Variants in EVI5 observed in about 807,000 individuals in gnomAD.
EVI5 encodes ecotropic viral integration site 5 protein homolog.
A neutral mutation model predicts 112.0 loss-of-function variants in EVI5; 73 were observed. The observed-to-expected ratio is 0.65, with a 90% CI of 0.54 to 0.79. The LOEUF is 0.79. Among genes scored for constraint, EVI5 ranks in the 30% least tolerant of loss-of-function variants. EVI5 has a pLI of 0.00. For synonymous variants in EVI5, 305 were observed against 319.9 expected, an observed-to-expected ratio of 0.95 and a Z score of 0.50; for missense variants, 900 against 968.8, an observed-to-expected ratio of 0.93 and a Z score of 0.94.
rs112957484 is a variant in EVI5, at chr1:92,648,785, G to C, written c.1393-12449C>G. ...TTGTTAATCCATTCACCCACTGAAG[G>C]ATTTTTGGGTTGTGTCCACTTTTCT... On this transcript the variant is annotated intron_variant, in intron 13 of 19. Transcript: ENST00000684568. Among the ~76,000 whole-genome samples the C allele has an allele frequency of 1.9e-4, 29 of 152,264 alleles. 1 individual carries two copies. Among genetic ancestry groups the C allele is most frequent in the African/African-American group, 7.0e-4 (29 of 41,548 alleles).
In EVI5 at chr1:92,512,303, T is replaced by C. The variant is rs1410017362; in HGVS notation, c.*1353A>G. On this transcript the variant is annotated 3_prime_UTR_variant, in exon 20 of 20. Coordinates refer to ENST00000684568, the MANE Select transcript of EVI5 (RefSeq NM_001350197.2). ...GGACCTTAGCCCATTGCTTAAATTA[T>C]ATTCAGTAGAATATTAGCACTAACT... The C allele has an allele frequency of 6.6e-6, 1 of 152,668 alleles. No homozygotes were observed. The highest frequency in any genetic ancestry group is 1.5e-5 in the Non-Finnish European group (1 of 68,036). The allele number at this position is 152,668 out of a possible 1,614,324, so 9.5% of individuals were successfully genotyped here.
chr1:92,699,570 C>T (rs1238027161), intron 5 of EVI5, among the ~76,000 whole-genome samples: 5 of 152,118 alleles, frequency 3.3e-5, no homozygotes, highest in Admixed American at 6.6e-5. Flanking sequence ...TGTCCTCAGG[C>T]GATTTAATCA....
At chr1:92,770,953 T>C (rs1425256874) in intron 1 of EVI5, among the ~76,000 whole-genome samples, 1 of 150,860 alleles carries the variant, frequency 6.6e-6, no homozygotes, top group Non-Finnish European at 1.5e-5. Context: ...GTAGCTGGGA[T>C]TACAGGCACC....
intron 18 of EVI5, among the ~76,000 whole-genome samples, chr1:92,590,075 T>C (rs1023580227): frequency 3.3e-5 from 5 of 152,030 alleles, no homozygotes; most frequent in African/African-American, 1.2e-4. Flanking sequence ...GAAGGAAAAC[T>C]AACAAACAGA....
chr1:92,776,803 C>CT lies in EVI5; in HGVS notation c.-82+8032dup, dbSNP rs1229355512. Among the ~76,000 whole-genome samples, 874 of 130,892 alleles carry CT rather than the reference C, an allele frequency of 6.7e-3. 7 individuals carry two copies. Among genetic ancestry groups the CT allele is most frequent in the Non-Finnish European group, 8.4e-3 (515 of 61,286 alleles). 85.9% of individuals were successfully genotyped at this position (130,892 alleles called of 152,430 possible). On this transcript the variant is annotated intron_variant, in intron 1 of 19. Transcript: ENST00000684568. The stretch of plus-strand genomic sequence containing the variant: ...GGTGCACACCACCATAGCCAGCTAA[C>CT]TTTTTTTTTTTTTTTTTTGAGACAG...
intron 18 of EVI5, among the ~76,000 whole-genome samples, chr1:92,599,824 G>A (rs535726464): frequency 3.3e-5 from 5 of 152,316 alleles, no homozygotes; most frequent in African/African-American, 1.2e-4. Context: ...TGTAGGTGAT[G>A]AGGATGGGGA....
At chr1:92,627,994 T>C (rs1025380202) in intron 14 of EVI5, among the ~76,000 whole-genome samples, 3 of 152,158 alleles carry the variant, frequency 2.0e-5, no homozygotes, top group Admixed American at 6.5e-5. Flanking sequence ...TTCATTATCT[T>C]GGCCAGGCTG....
chr1:92,783,552 G>T (rs1473620525), intron 1 of EVI5, among the ~76,000 whole-genome samples: 2 of 150,322 alleles, frequency 1.3e-5, no homozygotes, highest in Admixed American at 6.6e-5. Context: ...GGTGGCTCAC[G>T]CCTGTAACCC....
intron 9 of EVI5, among the ~76,000 whole-genome samples, chr1:92,678,343 C>G (rs550539332): frequency 6.6e-6 from 1 of 152,206 alleles, no homozygotes; most frequent in East Asian, 1.9e-4. Context: ...CCAGCCTGGG[C>G]AACATGGTGA....
upstream of EVI5, among the ~76,000 whole-genome samples, chr1:92,789,320 C>CT (rs775100642): frequency 6.1e-5 from 8 of 132,200 alleles, no homozygotes; most frequent in South Asian, 2.3e-4. Flanking sequence ...GCTTCTTCTT[C>CT]TTTTTTTTTT....
intron 1 of EVI5, among the ~76,000 whole-genome samples, chr1:92,765,748 T>C (rs1237080580): frequency 2.0e-5 from 3 of 152,100 alleles, no homozygotes; most frequent in African/African-American, 4.8e-5. Context: ...ATTACCAAAT[T>C]ACTGACTTCC....
chr1:92,660,040 T>C (rs1205112779), intron 13 of EVI5, among the ~76,000 whole-genome samples: 2 of 152,044 alleles, frequency 1.3e-5, no homozygotes, highest in South Asian at 2.1e-4. Flanking sequence ...CACATGGACA[T>C]AGAGCATAGA....
At chr1:92,569,852 C>CAAA (rs1184172805) in intron 18 of EVI5, among the ~76,000 whole-genome samples, 19 of 39,500 alleles carry the variant, frequency 4.8e-4, no homozygotes, top group African/African-American at 6.5e-4. Context: ...GACTCCATCT[C>CAAA]AAAAAAAAAA....
intron 9 of EVI5, among the ~76,000 whole-genome samples, chr1:92,693,254 A>T (rs897528602): frequency 6.6e-6 from 1 of 152,098 alleles, no homozygotes; most frequent in Non-Finnish European, 1.5e-5. Context: ...GCTTTAGTAG[A>T]GACAGGGTAC....
intron 16 of EVI5, among the ~76,000 whole-genome samples, chr1:92,618,390 G>C (rs1023553532): frequency 1.3e-5 from 2 of 152,116 alleles, no homozygotes; most frequent in African/African-American, 2.4e-5. Flanking sequence ...TGGACACTTC[G>C]GGCTGTTCCT....
intron 19 of EVI5, among the ~76,000 whole-genome samples, chr1:92,547,017 C>A (rs571670896): frequency 1.3e-5 from 2 of 152,324 alleles, no homozygotes; most frequent in East Asian, 3.9e-4. Context: ...ATCTACAGAA[C>A]TCTCCACCCC....
intron 16 of EVI5, among the ~76,000 whole-genome samples, chr1:92,619,443 C>T (rs1654006188): frequency 8.4e-6 from 1 of 119,046 alleles, no homozygotes; most frequent in Non-Finnish European, 1.8e-5. Context: ...GAAATAAACT[C>T]CCATATATAT....
chr1:92,569,821 T>A (rs916969768), intron 18 of EVI5, among the ~76,000 whole-genome samples: 1 of 119,342 alleles, frequency 8.4e-6, no homozygotes, highest in Non-Finnish European at 1.6e-5. Flanking sequence ...GCCACTGCAC[T>A]CCAGCCTGGC....
chr1:92,657,895 G>C (rs1380655594), intron 13 of EVI5, among the ~76,000 whole-genome samples: 1 of 152,094 alleles, frequency 6.6e-6, no homozygotes, highest in Non-Finnish European at 1.5e-5. Flanking sequence ...AGGGGAGGGG[G>C]TTGCCACACA....
Sources: gnomAD v4.1 joint callset for allele counts (sites outside exome capture counted in the v4.1 genomes callset) on GRCh38, gnomAD v4.1.1 for gene constraint, MANE v1.5 for transcripts, NCBI Gene and HGNC (gene_info 2026-07-23, HGNC 2026-07-21) for gene names.